GRIA1: variants seen among roughly 807,000 people sequenced by gnomAD.
The protein encoded by GRIA1 is glutamate receptor 1.
GRIA1 carries 31 observed loss-of-function variants against 99.2 expected under a neutral mutation model. That is an observed-to-expected ratio of 0.31 (90% CI 0.23 to 0.42). The LOEUF (loss-of-function observed/expected upper bound fraction) is 0.42. Ranked by LOEUF, GRIA1 falls within the 10% of genes least tolerant of loss-of-function variation. GRIA1 has a pLI of 1.00. For synonymous variants in GRIA1, 438 were observed against 432.4 expected (o/e 1.01, Z -0.16); for missense variants, 782 against 1,157.5 (o/e 0.68, Z 4.71).
intron 2 of GRIA1, among the ~76,000 whole-genome samples, chr5:153,577,715 C>T (rs1209487426): frequency 6.6e-6 from 1 of 152,146 alleles, no homozygotes; most frequent in Non-Finnish European, 1.5e-5. Flanking sequence ...TGTATTGATT[C>T]CTTACTCTGA....
intron 14 of GRIA1, among the ~76,000 whole-genome samples, chr5:153,799,167 A>T (rs1402651223): frequency 6.6e-6 from 1 of 151,958 alleles, no homozygotes; most frequent in African/African-American, 2.4e-5. Context: ...TGCTCAGAAG[A>T]CTCAAACTCC....
At chr5:153,724,246 AC>A (rs1429975464) in intron 11 of GRIA1, among the ~76,000 whole-genome samples, 1 of 151,978 alleles carries the variant, frequency 6.6e-6, no homozygotes, top group African/African-American at 2.4e-5. Flanking sequence ...ACCCATCTGT[AC>A]ATCACCATCA....
At chr5:153,675,945 C>G (rs1440587019) in intron 6 of GRIA1, among the ~76,000 whole-genome samples, 2 of 152,022 alleles carry the variant, frequency 1.3e-5, no homozygotes, top group East Asian at 3.9e-4. Context: ...CAAGCTCCAC[C>G]TCCCGAGTTC....
chr5:153,538,803 A>G (rs1034005091), intron 2 of GRIA1, among the ~76,000 whole-genome samples: 8 of 152,202 alleles, frequency 5.3e-5, no homozygotes, highest in Non-Finnish European at 1.2e-4. Context: ...ATAAGCAATC[A>G]GGTACATCCT....
chr5:153,791,122 G>A (rs1030303612), intron 13 of GRIA1, among the ~76,000 whole-genome samples: 14 of 145,058 alleles, frequency 9.7e-5, no homozygotes, highest in South Asian at 2.2e-4. Flanking sequence ...TTAGCAATTC[G>A]TTTCTGTCTC....
At chr5:153,560,038 A>G (rs2149351138) in intron 2 of GRIA1, among the ~76,000 whole-genome samples, 1 of 152,254 alleles carries the variant, frequency 6.6e-6, no homozygotes, top group Admixed American at 6.5e-5. Flanking sequence ...AAACCAAGGC[A>G]CAGAGACTTA....
Position 153,553,303 on chromosome 5 carries a change from C to T in GRIA1, c.220+59238C>T, listed in dbSNP as rs565973798. Among the ~76,000 whole-genome samples, 4 of 152,122 alleles carry T rather than the reference C, an allele frequency of 2.6e-5. No individual in the cohort carries two copies. The South Asian group carries it at 6.2e-4, about 24-fold the overall frequency. On this transcript the variant is annotated intron_variant, in intron 2 of 15. Transcript: ENST00000285900. The stretch of plus-strand genomic sequence containing the variant: ...AGGTCTGCAGCAACCTCAATTCTTG[C>T]CTCCTCAAAAGAAAGAATTCGAATG...
At chr5:153,710,305 CT>C (rs1307418859) in intron 11 of GRIA1, among the ~76,000 whole-genome samples, 11 of 151,966 alleles carry the variant, frequency 7.2e-5, no homozygotes, top group African/African-American at 2.2e-4. Flanking sequence ...TCACTGCAGC[CT>C]TGACCTTCTG....
rs566121957 is a variant in GRIA1 at position 153,650,532 on chromosome 5, G to A, written c.645+18G>A. On this transcript the variant is annotated intron_variant, in intron 4 of 15. Coordinates refer to ENST00000285900, the MANE Select transcript of GRIA1 (RefSeq NM_000827.4). ...TGGGCCAGGTAGTGAAAGCAGCAAG[G>A]GCTCAGGGTGGGTGCGGGAGGTGAT... 4.3e-6 allele frequency: 7 copies of A among 1,611,552 alleles called. No individual in the cohort carries two copies. The African/African-American group carries it at 9.3e-5, about 22-fold the overall frequency.
chr5:153,676,970 A>T (rs756395599), intron 6 of GRIA1, 24 bp from the exon 7 acceptor site: 1 of 1,369,866 alleles, frequency 7.3e-7, no homozygotes, highest in Admixed American at 2.8e-5. Flanking sequence ...TTTGATACCT[A>T]ACTGTCTCCA....
intron 11 of GRIA1, among the ~76,000 whole-genome samples, chr5:153,741,935 A>AG (rs1561819647): frequency 7.8e-4 from 68 of 87,376 alleles, no homozygotes; most frequent in African/African-American, 2.9e-3. Context: ...AGCTTTTTTT[A>AG]AAAAAAAAAA....
chr5:153,533,527 T>C (rs984423300), intron 2 of GRIA1, among the ~76,000 whole-genome samples: 2 of 152,160 alleles, frequency 1.3e-5, no homozygotes, highest in Admixed American at 6.5e-5. Context: ...CATTTCCCAC[T>C]CTTTAAACCC....
chr5:153,791,163 A>G (rs963069028), intron 13 of GRIA1, among the ~76,000 whole-genome samples: 1 of 151,660 alleles, frequency 6.6e-6, no homozygotes, highest in Non-Finnish European at 1.5e-5. Context: ...AGACCAGGAA[A>G]GGTGGCTTAT....
upstream of GRIA1, chr5:153,489,731 A>G (rs1753739310): frequency 6.6e-6 from 3 of 455,090 alleles, no homozygotes; most frequent in Non-Finnish European, 1.3e-5. Context: ...AGGAGAGTCT[A>G]TGAAGTTCCA....
chr5:153,611,067 A>G (rs965403897), intron 2 of GRIA1, among the ~76,000 whole-genome samples: 1 of 152,172 alleles, frequency 6.6e-6, no homozygotes, highest in Non-Finnish European at 1.5e-5. Context: ...TTGAAAATAT[A>G]GACTCCTAGG....
At chr5:153,667,535 T>C (rs1581432958) in intron 5 of GRIA1, among the ~76,000 whole-genome samples, 1 of 152,210 alleles carries the variant, frequency 6.6e-6, no homozygotes, top group South Asian at 2.1e-4. Flanking sequence ...AATGTGATGA[T>C]CATAATAATA....
chr5:153,726,897 T>A (rs9686410), intron 11 of GRIA1, among the ~76,000 whole-genome samples: 79,524 of 152,024 alleles, frequency 0.52, 21,716 homozygotes, highest in East Asian at 0.94. Context: ...GAGGCAAGCA[T>A]CATCCTGATA....
intron 2 of GRIA1, among the ~76,000 whole-genome samples, chr5:153,578,418 G>T (rs1216526956): frequency 2.0e-5 from 3 of 152,188 alleles, no homozygotes; most frequent in African/African-American, 7.2e-5. Context: ...TTGAAAAATG[G>T]AAGGACAACC....
intron 2 of GRIA1, among the ~76,000 whole-genome samples, chr5:153,545,467 T>A (rs958349329): frequency 3.9e-5 from 6 of 152,136 alleles, no homozygotes; most frequent in Non-Finnish European, 8.8e-5. Flanking sequence ...GGAATAGTTG[T>A]ATCCACTGCA....
Sources: allele counts gnomAD v4.1 joint callset (sites outside exome capture counted in the v4.1 genomes callset), GRCh38; gene constraint gnomAD v4.1.1; transcripts MANE v1.5; gene names NCBI Gene and HGNC (gene_info 2026-07-23, HGNC 2026-07-21).